TOGARAM1: variants seen among roughly 807,000 people sequenced by gnomAD.
The protein encoded by TOGARAM1 is TOG array regulator of axonemal microtubules protein 1.
A neutral mutation model predicts 166.6 loss-of-function variants in TOGARAM1; 100 were observed. That is an observed-to-expected ratio of 0.60 (90% confidence interval 0.51 to 0.71). The LOEUF is 0.71. Among genes scored for constraint, TOGARAM1 ranks in the 30% least tolerant of loss-of-function variants. The pLI is 0.00. For missense variants in TOGARAM1, 2,029 were observed against 2,102.7 expected (o/e 0.96, Z 0.69); for synonymous variants, 758 against 763.8 (o/e 0.99, Z 0.13).
At chr14:45,058,456 G>A (rs1161070191) in intron 16 of TOGARAM1, among the ~76,000 whole-genome samples, 7 of 151,874 alleles carry the variant, frequency 4.6e-5, no homozygotes, top group African/African-American at 7.3e-5. Context: ...CATCATGCCC[G>A]GCTAATTTTT....
At chr14:45,000,197 C>T (rs752186843) in intron 3 of TOGARAM1, among the ~76,000 whole-genome samples, 1 of 152,076 alleles carries the variant, frequency 6.6e-6, no homozygotes, top group Admixed American at 6.6e-5. Context: ...CAGAGTTTCA[C>T]CATATTGATC....
intron 1 of TOGARAM1, among the ~76,000 whole-genome samples, chr14:44,977,593 G>A (rs1370386451): frequency 6.6e-6 from 1 of 151,926 alleles, no homozygotes; most frequent in Non-Finnish European, 1.5e-5. Context: ...CCCACACAGA[G>A]AAATTTTAAA....
At chr14:45,057,979 G>T (rs1382508633) in intron 16 of TOGARAM1, among the ~76,000 whole-genome samples, 1 of 152,182 alleles carries the variant, frequency 6.6e-6, no homozygotes, top group Non-Finnish European at 1.5e-5. Context: ...TTCAATTTAA[G>T]TTCAGTGTTT....
At chr14:44,992,012 A>G (rs1304820944) in intron 1 of TOGARAM1, among the ~76,000 whole-genome samples, 5 of 144,522 alleles carry the variant, frequency 3.5e-5, no homozygotes, top group Non-Finnish European at 6.0e-5. Context: ...CTGAAGTGGC[A>G]AAACCCTTGA....
intron 1 of TOGARAM1, among the ~76,000 whole-genome samples, chr14:44,983,749 G>A (rs1418249362): frequency 6.6e-6 from 1 of 152,124 alleles, no homozygotes; most frequent in East Asian, 1.9e-4. Flanking sequence ...TTGGATGTTG[G>A]ATTGTTTCTG....
In TOGARAM1 at chr14:45,046,846, A is replaced by C. The variant is rs970622903; in HGVS notation, c.4313+143A>C. ...TTGGTGCTGGGGGATGGTCTTATTT[A>C]ACCAGTTTGTAAATATTCTTGAGGG... On this transcript the variant is annotated intron_variant, in intron 14 of 19. Transcript: ENST00000361462. 1.8e-4 allele frequency: 114 copies of C among 621,816 alleles called. 1 individual carries two copies. Among genetic ancestry groups the C allele is most frequent in the Non-Finnish European group, 8.7e-5 (37 of 425,732 alleles). The allele number at this position is 621,816 out of a possible 1,614,324, so 38.5% of individuals were successfully genotyped here. A position where few individuals can be genotyped will look rare whatever the true frequency, so the allele number is the denominator to read the frequency against.
In TOGARAM1 at chr14:45,027,475, G is replaced by A; in HGVS notation, c.3504+1G>A. 6.2e-7 allele frequency: 1 copy of A among 1,600,738 alleles called. No individual in the cohort carries two copies. The highest frequency in any genetic ancestry group is 8.5e-7 in the Non-Finnish European group (1 of 1,172,660). ...TCTTGATGTTGAGAATGAAAAAGATGTAAGGTTATTTGCTAATTATTAGAA... is the reference window on the plus strand; with the variant it reads ...TCTTGATGTTGAGAATGAAAAAGATATAAGGTTATTTGCTAATTATTAGAA... On this transcript the variant is annotated splice_donor_variant, in intron 9 of 19. Coordinates refer to ENST00000361462, the MANE Select transcript of TOGARAM1 (RefSeq NM_001308120.2). LOFTEE classifies it high-confidence loss of function.
chr14:44,966,188 A>T (rs770897206), intron 1 of TOGARAM1, among the ~76,000 whole-genome samples: 1 of 151,722 alleles, frequency 6.6e-6, no homozygotes, highest in Non-Finnish European at 1.5e-5. Context: ...TTAAATTACA[A>T]AGGCCAGGCA....
chr14:45,070,464 AGAT>A (rs1883329905), intron 18 of TOGARAM1, among the ~76,000 whole-genome samples: 1 of 152,228 alleles, frequency 6.6e-6, no homozygotes, highest in African/African-American at 2.4e-5. Flanking sequence ...CATTTCAGAC[AGAT>A]GACTAATCTT....
intron 1 of TOGARAM1, among the ~76,000 whole-genome samples, chr14:44,985,075 G>T (rs1407927192): frequency 2.0e-5 from 3 of 151,612 alleles, no homozygotes; most frequent in African/African-American, 7.3e-5. Flanking sequence ...GTGCAGTGGC[G>T]CAATCTTGGC....
At chr14:45,023,860 C>T (rs983439017) in intron 7 of TOGARAM1, among the ~76,000 whole-genome samples, 1 of 152,106 alleles carries the variant, frequency 6.6e-6, no homozygotes, top group African/African-American at 2.4e-5. Context: ...CCTGCCTCAG[C>T]CTCATGAGTA....
chr14:44,993,398 A>C (rs1265590881), intron 1 of TOGARAM1, among the ~76,000 whole-genome samples: 1 of 152,210 alleles, frequency 6.6e-6, no homozygotes, highest in African/African-American at 2.4e-5. Context: ...CTTTTTTATA[A>C]TGTTTTAATT....
chr14:44,994,187 A>T (rs1215924025), intron 1 of TOGARAM1, among the ~76,000 whole-genome samples: 1 of 151,384 alleles, frequency 6.6e-6, no homozygotes, highest in African/African-American at 2.4e-5. Flanking sequence ...GCTCACCGCA[A>T]CCTCTGTCTC....
chr14:45,047,263 G>A (rs1882113035), intron 14 of TOGARAM1, among the ~76,000 whole-genome samples: 1 of 151,744 alleles, frequency 6.6e-6, no homozygotes, highest in Non-Finnish European at 1.5e-5. Flanking sequence ...ATGGTGGCAG[G>A]CGCCTGTAAT....
chr14:45,008,555 G>A (rs1369647067), intron 5 of TOGARAM1, among the ~76,000 whole-genome samples: 1 of 152,098 alleles, frequency 6.6e-6, no homozygotes. Flanking sequence ...CACACCAGGT[G>A]TACCTCTGTG....
At chr14:44,975,648 G>A (rs1234390745) in intron 1 of TOGARAM1, among the ~76,000 whole-genome samples, 1 of 151,850 alleles carries the variant, frequency 6.6e-6, no homozygotes, top group East Asian at 1.9e-4. Flanking sequence ...TGTATTTTTA[G>A]TGGAGACAGG....
At chr14:45,063,043 A>G (rs898461157) in intron 16 of TOGARAM1, among the ~76,000 whole-genome samples, 9 of 152,190 alleles carry the variant, frequency 5.9e-5, no homozygotes, top group African/African-American at 2.2e-4. Context: ...GACATTTCAT[A>G]TAAAGGAAAT....
intron 1 of TOGARAM1, among the ~76,000 whole-genome samples, chr14:44,973,319 A>T (rs1594608528): frequency 6.6e-6 from 1 of 151,648 alleles, no homozygotes; most frequent in East Asian, 1.9e-4. Context: ...ATCCACGTTC[A>T]CTTTCAGTAA....
At chr14:44,973,886 G>A (rs1886041057) in intron 1 of TOGARAM1, among the ~76,000 whole-genome samples, 1 of 150,398 alleles carries the variant, frequency 6.6e-6, no homozygotes, top group South Asian at 2.1e-4. Context: ...TCTTATCTTT[G>A]CTCCCCTATA....
Sources: allele counts gnomAD v4.1 joint callset (sites outside exome capture counted in the v4.1 genomes callset), GRCh38; gene constraint gnomAD v4.1.1; transcripts MANE v1.5; gene names NCBI Gene and HGNC (gene_info 2026-07-23, HGNC 2026-07-21).